Variants in DPP10 observed in about 807,000 individuals in gnomAD.
DPP10 encodes dipeptidyl peptidase like 10.
In DPP10, 33 loss-of-function variants were observed where a neutral mutation model predicts 120.9. That is an observed-to-expected ratio of 0.27 (90% CI 0.21 to 0.37). The LOEUF (loss-of-function observed/expected upper bound fraction) is 0.37, where lower values mean the gene tolerates loss of function less well. DPP10 is among the 10% of genes least tolerant of loss of function. The pLI, the probability that DPP10 is intolerant of heterozygous loss-of-function variation, is 1.00. For synonymous variants in DPP10, 337 were observed against 326.1 expected (o/e 1.03, Z -0.36); for missense variants, 816 against 942.8 (o/e 0.87, Z 1.76).
chr2:115,017,701 A>T (rs1457613704), intron 1 of DPP10, among the ~76,000 whole-genome samples: 1 of 152,032 alleles, frequency 6.6e-6, no homozygotes, highest in Non-Finnish European at 1.5e-5. Flanking sequence ...CATGTCCTTC[A>T]TAGGGACATG....
chr2:114,462,595 A>G (rs573738825), intron 1 of DPP10, among the ~76,000 whole-genome samples: 56 of 152,310 alleles, frequency 3.7e-4, no homozygotes, highest in Admixed American at 3.2e-3. Context: ...TATTCAATTC[A>G]TATCCTAACA....
intron 1 of DPP10, among the ~76,000 whole-genome samples, chr2:114,662,385 C>T (rs1396104909): frequency 1.3e-5 from 2 of 152,232 alleles, no homozygotes; most frequent in Non-Finnish European, 2.9e-5. Context: ...AGCTTCCACT[C>T]TGCCCGCGCC....
In DPP10 at chr2:115,840,811, T is replaced by A; in HGVS notation, c.2244T>A (p.Asn748Lys). ...AGCACCTAATAAAAGCTGGAGTGAA[T>A]TATACTATGCAGGTAAGCTACTTTC... ...LIKHLIKAGV[N>K]YTMQVYPDEG... is the part of the protein sequence containing the mutation. The change falls in exon 25 of 26, where the codon AAT becomes AAA. Residue 748 changes from asparagine (N) to lysine (K), a missense_variant. Coordinates refer to ENST00000410059, the MANE Select transcript of DPP10 (RefSeq NM_020868.6). The A allele has an allele frequency of 3.7e-6, 6 of 1,613,426 alleles. No individual in the cohort carries two copies. The highest frequency in any genetic ancestry group is 5.1e-6 in the Non-Finnish European group (6 of 1,179,684).
chr2:115,048,212 C>T (rs1349402293), intron 1 of DPP10, among the ~76,000 whole-genome samples: 1 of 151,962 alleles, frequency 6.6e-6, no homozygotes, highest in African/African-American at 2.4e-5. Context: ...GCTTCTTTTC[C>T]CTTGTTTCAA....
intron 1 of DPP10, among the ~76,000 whole-genome samples, chr2:114,758,735 T>C (rs181649644): frequency 4.5e-4 from 68 of 152,326 alleles, no homozygotes; most frequent in South Asian, 1.5e-3. Context: ...TGAATTATTT[T>C]ACAGCAAAAC....
intron 5 of DPP10, among the ~76,000 whole-genome samples, chr2:115,647,586 A>G (rs887824647): frequency 1.3e-5 from 2 of 152,166 alleles, no homozygotes; most frequent in Non-Finnish European, 2.9e-5. Context: ...GACTGAGGGT[A>G]CATCTTAGTC....
intron 1 of DPP10, among the ~76,000 whole-genome samples, chr2:115,184,573 A>G (rs938809956): frequency 6.6e-6 from 1 of 152,216 alleles, no homozygotes; most frequent in African/African-American, 2.4e-5. Context: ...CATCTCTAGG[A>G]GAGCTGCAGC....
At chr2:114,511,840 A>G (rs911749891) in intron 1 of DPP10, among the ~76,000 whole-genome samples, 2 of 152,216 alleles carry the variant, frequency 1.3e-5, no homozygotes, top group Non-Finnish European at 2.9e-5. Context: ...GCATCACCCC[A>G]GAACAGAACA....
At chr2:115,176,460 ATTAAAG>A (rs1302815541) in intron 1 of DPP10, among the ~76,000 whole-genome samples, 1 of 151,760 alleles carries the variant, frequency 6.6e-6, no homozygotes, top group Non-Finnish European at 1.5e-5. Flanking sequence ...TCTGAGGTTT[ATTAAAG>A]TTAAGAGACT....
At chr2:114,556,911 T>C (rs966355213) in intron 1 of DPP10, among the ~76,000 whole-genome samples, 1 of 151,846 alleles carries the variant, frequency 6.6e-6, no homozygotes, top group Admixed American at 6.6e-5. Context: ...CGATTACCTT[T>C]AAAGAGTGTG....
intron 1 of DPP10, among the ~76,000 whole-genome samples, chr2:115,305,660 C>T (rs1473282203): frequency 1.3e-5 from 2 of 151,864 alleles, no homozygotes; most frequent in African/African-American, 4.8e-5. Context: ...ATGACTTGAG[C>T]CCAGGAGTTT....
chr2:115,372,487 A>C (rs906440759), intron 3 of DPP10, among the ~76,000 whole-genome samples: 4 of 152,176 alleles, frequency 2.6e-5, no homozygotes, highest in Admixed American at 6.5e-5. Flanking sequence ...AGGGTATCTC[A>C]TTGAATGTAG....
chr2:115,628,756 CCATTTATTTTA>C (rs1362094105), intron 5 of DPP10, among the ~76,000 whole-genome samples: 3 of 151,686 alleles, frequency 2.0e-5, no homozygotes, highest in Non-Finnish European at 2.9e-5. Flanking sequence ...TCTCCCAGCA[CCATTTATTTTA>C]CATTTATTTA....
At chr2:115,518,748 A>G (rs1334219235) in intron 4 of DPP10, among the ~76,000 whole-genome samples, 3 of 152,162 alleles carry the variant, frequency 2.0e-5, no homozygotes, top group Non-Finnish European at 4.4e-5. Flanking sequence ...TCTACTGGGC[A>G]GCTCCGGTCT....
chr2:115,286,489 ATAAT>A (rs1394699823), intron 1 of DPP10, among the ~76,000 whole-genome samples: 4 of 38,980 alleles, frequency 1.0e-4, no homozygotes, highest in African/African-American at 2.1e-4. Context: ...TAATATATAT[ATAAT>A]ATATATATAT....
chr2:115,215,805 G>A (rs2056785372), intron 1 of DPP10, among the ~76,000 whole-genome samples: 1 of 152,126 alleles, frequency 6.6e-6, no homozygotes, highest in East Asian at 1.9e-4. Context: ...CCTATTACTG[G>A]GTATCTACCC....
chr2:115,698,991 C>A (rs2091740603), intron 7 of DPP10, among the ~76,000 whole-genome samples: 1 of 97,248 alleles, frequency 1.0e-5, no homozygotes, highest in Non-Finnish European at 2.1e-5. Flanking sequence ...AAAAAATCAA[C>A]TAAATTGGCA....
At chr2:114,576,203 C>T (rs1276664322) in intron 1 of DPP10, among the ~76,000 whole-genome samples, 1 of 152,150 alleles carries the variant, frequency 6.6e-6, no homozygotes, top group East Asian at 1.9e-4. Flanking sequence ...GAGAGTTATA[C>T]TGAATGGACT....
intron 1 of DPP10, among the ~76,000 whole-genome samples, chr2:115,137,843 A>G (rs1286996755): frequency 6.6e-6 from 1 of 152,206 alleles, no homozygotes; most frequent in Non-Finnish European, 1.5e-5. Flanking sequence ...TATTAGAACA[A>G]GAGCCAATTC....
Sources: allele counts gnomAD v4.1 joint callset (sites outside exome capture counted in the v4.1 genomes callset), GRCh38; gene constraint gnomAD v4.1.1; transcripts MANE v1.5; gene names NCBI Gene and HGNC (gene_info 2026-07-23, HGNC 2026-07-21).